The following WDFY4 variants were observed in gnomAD, a reference collection of about 807,000 sequenced individuals.
WDFY4 encodes the protein WD repeat- and FYVE domain-containing protein 4.
In WDFY4, 169 loss-of-function variants were observed where a neutral mutation model predicts 351.9. The observed-to-expected ratio is 0.48, with a 90% confidence interval of 0.42 to 0.55. The LOEUF (loss-of-function observed/expected upper bound fraction) is 0.55. WDFY4 is among the 20% of genes least tolerant of loss of function. The pLI, the probability that WDFY4 is intolerant of heterozygous loss-of-function variation, is 0.00. For missense variants in WDFY4, 3,803 were observed against 3,935.6 expected (o/e 0.97, Z 0.90); for synonymous variants, 1,622 against 1,574.6 (o/e 1.03, Z -0.71).
chr10:48,832,520 A>C (rs2068224903), intron 38 of WDFY4, 53 bp from the exon 39 acceptor site: 1 of 1,468,998 alleles, frequency 6.8e-7, no homozygotes, highest in Admixed American at 2.3e-5. Context: ...TAGCTATAAA[A>C]ATAGTGTGTG....
intron 39 of WDFY4, among the ~76,000 whole-genome samples, chr10:48,856,501 G>A (rs1364400463): frequency 2.0e-5 from 3 of 152,072 alleles, no homozygotes; most frequent in African/African-American, 7.2e-5. Context: ...TATACTTTAA[G>A]TTCTGGAGTT....
chr10:48,824,784 A>C (rs1363318438), intron 35 of WDFY4, among the ~76,000 whole-genome samples: 1 of 152,218 alleles, frequency 6.6e-6, no homozygotes, highest in African/African-American at 2.4e-5. Context: ...GACTACAGAC[A>C]TGTACCACCT....
intron 20 of WDFY4, among the ~76,000 whole-genome samples, chr10:48,788,271 T>C (rs1190839227): frequency 6.6e-6 from 1 of 151,962 alleles, no homozygotes; most frequent in African/African-American, 2.4e-5. Flanking sequence ...TCAAGTGATC[T>C]GCCTGTCTTG....
intron 30 of WDFY4, among the ~76,000 whole-genome samples, chr10:48,812,690 A>G (rs1005425027): frequency 4.6e-5 from 7 of 152,010 alleles, no homozygotes; most frequent in Non-Finnish European, 1.0e-4. Flanking sequence ...CACCGTATGC[A>G]CCTTCTCCCT....
In WDFY4 at chr10:48,805,457, C is replaced by T. The variant is rs77678483; in HGVS notation, c.4646+36C>T. ...AAGCTGCCCAGGGGGAAGAGCAGGG[C>T]CCCAGGGCTGTTTAAAAAGGGAGGA... On this transcript the variant is annotated intron_variant, in intron 26 of 61. Transcript: ENST00000325239. 2.6e-3 allele frequency: 3,972 copies of T among 1,539,208 alleles called. 94 individuals carry two copies. The African/African-American group carries it at 0.048, about 19-fold the overall frequency.
chr10:48,763,251 AGT>A (rs1191285850), intron 13 of WDFY4, among the ~76,000 whole-genome samples: 3 of 152,206 alleles, frequency 2.0e-5, no homozygotes, highest in Admixed American at 6.5e-5. Context: ...GGCTCAGGAA[AGT>A]TGTTTGGCTT....
At chr10:48,891,650 C>T (rs1836806752) in intron 44 of WDFY4, among the ~76,000 whole-genome samples, 1 of 152,248 alleles carries the variant, frequency 6.6e-6, no homozygotes, top group African/African-American at 2.4e-5. Flanking sequence ...TGTTAGCACA[C>T]AGATGCCTGG....
intron 53 of WDFY4, 27 bp from the exon 54 acceptor site, chr10:48,963,815 T>G: frequency 6.4e-7 from 1 of 1,550,430 alleles, no homozygotes; most frequent in Non-Finnish European, 8.7e-7. Flanking sequence ...GGCCTGGGTT[T>G]TAATGCTCTT....
At position 48,697,216 on chromosome 10, in the gene WDFY4, T is replaced by C. The variant is rs1011937333; in HGVS notation, c.-18+12215T>C. Among the ~76,000 whole-genome samples, 31 of 152,348 alleles carry C rather than the reference T, an allele frequency of 2.0e-4. No homozygotes were observed. In the South Asian group the frequency reaches 6.0e-3, roughly 30 times the overall value. On this transcript the variant is annotated intron_variant, in intron 1 of 61. Transcript: ENST00000325239. Reference sequence around the variant, plus strand: ...GTAACTTAGGAGCTAATGTCAGGGCTCTGGACAACAGGCCCTGCCATGAAG... The same window carrying C: ...GTAACTTAGGAGCTAATGTCAGGGCCCTGGACAACAGGCCCTGCCATGAAG...
chr10:48,759,885 A>G (rs1383109756), intron 12 of WDFY4, among the ~76,000 whole-genome samples: 6 of 152,156 alleles, frequency 3.9e-5, no homozygotes, highest in Admixed American at 2.0e-4. Flanking sequence ...GAGCTGCTCC[A>G]TGAGTTCTAA....
chr10:48,982,505 C>T lies in WDFY4; in HGVS notation c.9489-4C>T, dbSNP rs1366640196. The T allele has an allele frequency of 1.3e-6, 2 of 1,507,848 alleles. No homozygotes were observed. The highest frequency in any genetic ancestry group is 8.9e-7 in the Non-Finnish European group (1 of 1,123,298). The allele number at this position is 1,507,848 out of a possible 1,614,324, so 93.4% of individuals were successfully genotyped here. On this transcript the variant is annotated splice_polypyrimidine_tract_variant and splice_region_variant and intron_variant, in intron 61 of 61. Transcript: ENST00000325239. ...CGTTCTTGTCTTTTCTTTCTCTTCC[C>T]AAGAAACCACACCAAACTCCTGGTT...
chr10:48,918,903 A>G (rs559134686), intron 47 of WDFY4, among the ~76,000 whole-genome samples: 2 of 152,340 alleles, frequency 1.3e-5, no homozygotes, highest in African/African-American at 2.4e-5. Context: ...CCAAATGTCC[A>G]CTGAGGAGCA....
intron 12 of WDFY4, among the ~76,000 whole-genome samples, chr10:48,754,675 C>T (rs935894546): frequency 1.3e-5 from 2 of 151,980 alleles, no homozygotes; most frequent in Admixed American, 6.6e-5. Flanking sequence ...CCCTCACACC[C>T]AGGTCATGGA....
intron 51 of WDFY4, 149 bp from the exon 52 acceptor site, chr10:48,956,980 C>A: frequency 3.7e-6 from 4 of 1,080,024 alleles, no homozygotes; most frequent in Non-Finnish European, 2.6e-6. Context: ...ACGGCACACA[C>A]ATCTGGGCTG....
intron 55 of WDFY4, 141 bp downstream of exon 55, chr10:48,966,814 C>A (rs1842104657): frequency 1.7e-6 from 2 of 1,196,044 alleles, no homozygotes; most frequent in East Asian, 2.6e-5. Context: ...CCAGTCACAG[C>A]CAGATTCTAG....
intron 53 of WDFY4, among the ~76,000 whole-genome samples, chr10:48,960,155 G>A (rs1564530797): frequency 1.3e-5 from 2 of 152,218 alleles, no homozygotes; most frequent in African/African-American, 4.8e-5. Flanking sequence ...TTCAGAGAGG[G>A]TTTGGAGCCT....
intron 28 of WDFY4, among the ~76,000 whole-genome samples, chr10:48,809,279 A>G (rs2067364115): frequency 6.6e-6 from 1 of 150,990 alleles, no homozygotes; most frequent in East Asian, 1.9e-4. Context: ...CATCACCACA[A>G]CATTAATCGC....
chr10:48,776,657 C>T lies in WDFY4; in HGVS notation c.2864-93C>T, dbSNP rs536652538. On this transcript the variant is annotated intron_variant, in intron 15 of 61. Coordinates refer to ENST00000325239, the MANE Select transcript of WDFY4 (RefSeq NM_001394531.1). ...CTGGTGACTGTGCGAAACTCTCTTT[C>T]TGGGCTGCGGCAGATACTTTGGGGT... The T allele has an allele frequency of 6.7e-5, 84 of 1,259,104 alleles. No individual in the cohort carries two copies. The African/African-American group carries it at 1.2e-3, about 19-fold the overall frequency. The allele number at this position is 1,259,104 out of a possible 1,614,324, so 78.0% of individuals were successfully genotyped here.
chr10:48,862,874 TC>T (rs1364454168), intron 39 of WDFY4, among the ~76,000 whole-genome samples: 1 of 152,194 alleles, frequency 6.6e-6, no homozygotes, highest in East Asian at 1.9e-4. Context: ...CACTCTTCTA[TC>T]CCCCATCCCT....
Sources: gnomAD v4.1 joint callset for allele counts (sites outside exome capture counted in the v4.1 genomes callset) on GRCh38, gnomAD v4.1.1 for gene constraint, MANE v1.5 for transcripts, NCBI Gene and HGNC (gene_info 2026-07-23, HGNC 2026-07-21) for gene names.